TSNARE1: variants seen among roughly 807,000 people sequenced by gnomAD.
TSNARE1 encodes the protein t-SNARE domain-containing protein 1.
TSNARE1 carries 49 observed loss-of-function variants against 62.0 expected under a neutral mutation model. The observed-to-expected ratio is 0.79, with a 90% CI of 0.63 to 1.00. The LOEUF (loss-of-function observed/expected upper bound fraction) is 1.00, where lower values mean the gene tolerates loss of function less well. Ranked by LOEUF, TSNARE1 falls within the 50% of genes least tolerant of loss-of-function variation. The pLI is 0.00. For missense variants in TSNARE1, 755 were observed against 700.1 expected, an observed-to-expected ratio of 1.08 and a Z score of -0.88; for synonymous variants, 328 against 294.4, an observed-to-expected ratio of 1.11 and a Z score of -1.17.
chr8:142,331,603 C>T, intron 5 of TSNARE1, 151 bp downstream of exon 5: 1 of 724,944 alleles, frequency 1.4e-6, no homozygotes, highest in South Asian at 1.7e-5. Flanking sequence ...ACCCTCGCAT[C>T]CAACGTCGCA....
chr8:142,393,773 T>C (rs955921786), intron 1 of TSNARE1, among the ~76,000 whole-genome samples: 2 of 152,148 alleles, frequency 1.3e-5, no homozygotes, highest in African/African-American at 4.8e-5. Flanking sequence ...AGGGAAAGCC[T>C]GGGCAGCAAA....
At chr8:142,293,135 C>T (rs1824088079) in intron 10 of TSNARE1, among the ~76,000 whole-genome samples, 1 of 152,236 alleles carries the variant, frequency 6.6e-6, no homozygotes, top group African/African-American at 2.4e-5. Flanking sequence ...AGCAGCCGCA[C>T]CGCAGGCCAT....
intron 4 of TSNARE1, among the ~76,000 whole-genome samples, chr8:142,334,622 A>G (rs1425800414): frequency 1.3e-5 from 2 of 152,220 alleles, no homozygotes; most frequent in African/African-American, 4.8e-5. Context: ...CAGAATAAAT[A>G]CATATTTTTT....
intron 12 of TSNARE1, chr8:142,274,450 G>C (rs1820091691): frequency 1.0e-6 from 1 of 985,360 alleles, no homozygotes; most frequent in Non-Finnish European, 1.2e-6. Flanking sequence ...TGAGCTGCAT[G>C]TCAGCATCTG....
chr8:142,379,380 G>A (rs891541056), intron 1 of TSNARE1, among the ~76,000 whole-genome samples: 1 of 152,208 alleles, frequency 6.6e-6, no homozygotes, highest in Non-Finnish European at 1.5e-5. Flanking sequence ...TCATGTCTGG[G>A]GCCAGCCAGC....
At chr8:142,345,943 G>A (rs1833307651) in intron 2 of TSNARE1, 51 bp from the exon 3 acceptor site, 1 of 1,574,402 alleles carries the variant, frequency 6.4e-7, no homozygotes, top group Non-Finnish European at 8.7e-7. Context: ...GGGCGCTCCT[G>A]GCAGTGCCAG....
intron 13 of TSNARE1, among the ~76,000 whole-genome samples, chr8:142,222,708 TCACTCATC>T (rs1234681656): frequency 0.033 from 2,222 of 68,318 alleles, 50 homozygotes; most frequent in Non-Finnish European, 0.059. Flanking sequence ...ATCCACTCAC[TCACTCATC>T]CACTCACTCA....
At chr8:142,288,746 G>A (rs988421375) in intron 10 of TSNARE1, among the ~76,000 whole-genome samples, 1 of 152,276 alleles carries the variant, frequency 6.6e-6, no homozygotes, top group Non-Finnish European at 1.5e-5. Context: ...GCTAGACTCA[G>A]CAGAGAAGCA....
At chr8:142,332,846 C>A (rs1367270677) in intron 4 of TSNARE1, among the ~76,000 whole-genome samples, 1 of 152,174 alleles carries the variant, frequency 6.6e-6, no homozygotes, top group African/African-American at 2.4e-5. Flanking sequence ...GCAGAGCGCA[C>A]ATCCAGAGAA....
chr8:142,249,668 C>T lies in TSNARE1; in HGVS notation c.1447-20089G>A, dbSNP rs571025269. On this transcript the variant is annotated intron_variant, in intron 12 of 13. Coordinates refer to ENST00000524325, the MANE Select transcript of TSNARE1 (RefSeq NM_145003.5). ...GCCCAGGGTGCTGCAGCAGGCAGGC[C>T]GTCCGCGTCAGGACCGGCTCATGAG... is the stretch of plus-strand genomic sequence containing the variant. Among the ~76,000 whole-genome samples, 13 of 152,340 alleles carry T rather than the reference C, an allele frequency of 8.5e-5. No homozygotes were observed. The East Asian group carries it at 1.5e-3, about 18-fold the overall frequency.
At chr8:142,324,312 G>A (rs73714114) in intron 6 of TSNARE1, among the ~76,000 whole-genome samples, 2,164 of 152,284 alleles carry the variant, frequency 0.014, 50 homozygotes, top group African/African-American at 0.049. Context: ...CGGCTACAGG[G>A]TCCAGGAAAC....
rs575635311 is a variant in TSNARE1, at chr8:142,277,979, G to A, written c.1364-3116C>T. The A allele has an allele frequency of 3.8e-4, 370 of 985,402 alleles. No homozygotes were observed. In the African/African-American group the frequency reaches 5.7e-3, roughly 15 times the overall value. 61.0% of individuals were successfully genotyped at this position (985,402 alleles called of 1,614,324 possible). A position where few individuals can be genotyped will look rare whatever the true frequency, so the allele number is the denominator to read the frequency against. ...CAAACCAGGTCTGCCTCTGCCCATA[G>A]GACCCTTGGCTGCAAGAATCTGCCC... On this transcript the variant is annotated intron_variant, in intron 11 of 13. Transcript: ENST00000524325.
At chr8:142,344,720 C>G (rs1286860810) in intron 3 of TSNARE1, among the ~76,000 whole-genome samples, 2 of 152,226 alleles carry the variant, frequency 1.3e-5, no homozygotes, top group African/African-American at 4.8e-5. Context: ...ATCTCCAAGA[C>G]AGCACACCAC....
chr8:142,274,751 C>G, intron 12 of TSNARE1, 30 bp downstream of exon 12: 3 of 1,488,836 alleles, frequency 2.0e-6, no homozygotes, highest in Non-Finnish European at 2.7e-6. Context: ...GCCGGGCCGG[C>G]CGGGCACTGT....
At chr8:142,223,161 C>CTCATTCACTCGTTCAT (rs1816538868) in intron 13 of TSNARE1, among the ~76,000 whole-genome samples, 2 of 19,642 alleles carry the variant, frequency 1.0e-4, no homozygotes, top group East Asian at 1.1e-3. Context: ...CACTCATTCA[C>CTCATTCACTCGTTCAT]TCACTCACTC....
intron 12 of TSNARE1, chr8:142,273,651 T>C: frequency 1.0e-6 from 1 of 985,334 alleles, no homozygotes; most frequent in Non-Finnish European, 1.2e-6. Context: ...CCGACAGAAA[T>C]GGGGAGGCCC....
upstream of TSNARE1, chr8:142,405,737 C>T (rs1467181500): frequency 7.3e-6 from 1 of 137,568 alleles, no homozygotes; most frequent in East Asian, 2.5e-4. Flanking sequence ...TTCAATGTCA[C>T]CTGCTCAGGA....
chr8:142,222,831 T>C (rs866641373), intron 13 of TSNARE1, among the ~76,000 whole-genome samples: 17 of 58,292 alleles, frequency 2.9e-4, no homozygotes, highest in South Asian at 6.5e-4. Context: ...CACTCACTCA[T>C]TCACTCACTC....
chr8:142,309,869 G>GTA (rs1427922548), intron 9 of TSNARE1, among the ~76,000 whole-genome samples: 1 of 151,934 alleles, frequency 6.6e-6, no homozygotes, highest in Non-Finnish European at 1.5e-5. Flanking sequence ...CAGCTATTGA[G>GTA]GTCTAGAGTT....
Sources: gnomAD v4.1 joint callset for allele counts (sites outside exome capture counted in the v4.1 genomes callset) on GRCh38, gnomAD v4.1.1 for gene constraint, MANE v1.5 for transcripts, NCBI Gene and HGNC (gene_info 2026-07-23, HGNC 2026-07-21) for gene names.